Variants in CUBN observed in about 807,000 individuals in gnomAD.
CUBN encodes the protein 460 kDa receptor.
CUBN carries 282 observed loss-of-function variants against 405.3 expected under a neutral mutation model. The ratio of observed to expected loss-of-function variants is 0.70; its 90% confidence interval spans 0.63 to 0.77. The LOEUF is 0.77. Among genes scored for constraint, CUBN ranks in the 30% least tolerant of loss-of-function variants. The pLI is 0.00. For synonymous variants in CUBN, 1,684 were observed against 1,617.0 expected, an observed-to-expected ratio of 1.04 and a Z score of -0.99; for missense variants, 4,514 against 4,475.2, an observed-to-expected ratio of 1.01 and a Z score of -0.25.
At chr10:16,840,847 G>A (rs768998212) in intron 61 of CUBN, 38 bp downstream of exon 61, 25 of 1,536,052 alleles carry the variant, frequency 1.6e-5, no homozygotes, top group Non-Finnish European at 2.0e-5. Flanking sequence ...AAATACATGT[G>A]TATTTCATAA....
chr10:17,019,095 G>A lies in CUBN; in HGVS notation c.4168+738C>T, dbSNP rs1834423871. 2.0e-5 allele frequency among the ~76,000 whole-genome samples: 3 copies of A among 152,170 alleles called. No individual in the cohort carries two copies. In the South Asian group the frequency reaches 6.2e-4, roughly 32 times the overall value. Reference sequence around the variant, plus strand: ...GCCCAAGAATTTGAATTTCTAACAGGTTCCAGGTAATGCTGACGCTGCTCT... The same window carrying A: ...GCCCAAGAATTTGAATTTCTAACAGATTCCAGGTAATGCTGACGCTGCTCT... On this transcript the variant is annotated intron_variant, in intron 28 of 66. Coordinates refer to ENST00000377833, the MANE Select transcript of CUBN (RefSeq NM_001081.4).
intron 65 of CUBN, among the ~76,000 whole-genome samples, chr10:16,830,024 C>T (rs1838934367): frequency 1.3e-5 from 2 of 151,866 alleles, no homozygotes; most frequent in South Asian, 2.1e-4. Flanking sequence ...CAGCCTCCAT[C>T]TCCCAAGTTC....
At chr10:16,861,766 G>A (rs1840019352) in intron 59 of CUBN, among the ~76,000 whole-genome samples, 1 of 152,070 alleles carries the variant, frequency 6.6e-6, no homozygotes, top group Admixed American at 6.6e-5. Flanking sequence ...TCCTCTAACA[G>A]TCCTGTGTCC....
chr10:17,105,876 T>C (rs561850291), intron 10 of CUBN, among the ~76,000 whole-genome samples: 1 of 152,344 alleles, frequency 6.6e-6, no homozygotes, highest in East Asian at 1.9e-4. Context: ...GAGCTGCACC[T>C]GGGGAAGACA....
intron 29 of CUBN, among the ~76,000 whole-genome samples, chr10:16,984,971 C>G (rs1246119822): frequency 6.8e-6 from 1 of 146,776 alleles, no homozygotes; most frequent in Non-Finnish European, 1.5e-5. Context: ...AGGAACCTGA[C>G]TAAGTGCATC....
chr10:16,890,704 A>G lies in CUBN; in HGVS notation c.8599-177T>C, dbSNP rs534636495. 2.6e-5 allele frequency among the ~76,000 whole-genome samples: 4 copies of G among 152,348 alleles called. No homozygotes were observed. In the South Asian group the frequency reaches 8.3e-4, roughly 32 times the overall value. On this transcript the variant is annotated intron_variant, in intron 54 of 66. Coordinates refer to ENST00000377833, the MANE Select transcript of CUBN (RefSeq NM_001081.4). ...GAATAATTTTTTTAAAGCTGTTTTT[A>G]AAATAGCATGTCCCATTCTTGACTT... is the stretch of plus-strand genomic sequence containing the variant.
intron 13 of CUBN, among the ~76,000 whole-genome samples, chr10:17,101,582 T>C (rs1316576982): frequency 6.6e-6 from 1 of 152,176 alleles, no homozygotes; most frequent in Non-Finnish European, 1.5e-5. Context: ...CAAGGGAAAA[T>C]TTTATCTATT....
chr10:16,864,657 CTTTTTTTTTT>C (rs58100254), intron 59 of CUBN, among the ~76,000 whole-genome samples: 1 of 121,452 alleles, frequency 8.2e-6, no homozygotes, highest in African/African-American at 3.0e-5. Flanking sequence ...TTTTTTCTTT[CTTTTTTTTTT>C]TTTTTTTTAG....
intron 62 of CUBN, among the ~76,000 whole-genome samples, chr10:16,838,054 T>A (rs1387748491): frequency 6.6e-6 from 1 of 152,112 alleles, no homozygotes; most frequent in Non-Finnish European, 1.5e-5. Flanking sequence ...TACCAATGGG[T>A]AATAGAGATT....
intron 48 of CUBN, among the ~76,000 whole-genome samples, chr10:16,910,904 G>A (rs1841712027): frequency 6.6e-6 from 1 of 152,106 alleles, no homozygotes; most frequent in African/African-American, 2.4e-5. Flanking sequence ...AGCCGCAAGA[G>A]GGTATGCCTC....
intron 66 of CUBN, among the ~76,000 whole-genome samples, chr10:16,827,478 TAAA>T (rs942868064): frequency 2.0e-5 from 3 of 152,242 alleles, no homozygotes; most frequent in Admixed American, 6.5e-5. Flanking sequence ...AGTTATATTT[TAAA>T]AACCATCTAG....
chr10:16,838,389 C>T (rs149816271), intron 62 of CUBN, among the ~76,000 whole-genome samples: 63 of 152,298 alleles, frequency 4.1e-4, no homozygotes, highest in African/African-American at 1.3e-3. Flanking sequence ...GTTAGTTGCT[C>T]CCCAAACTGC....
intron 21 of CUBN, 132 bp from the exon 22 acceptor site, chr10:17,065,770 A>C: frequency 9.3e-7 from 1 of 1,077,788 alleles, no homozygotes; most frequent in Non-Finnish European, 1.4e-6. Flanking sequence ...TAAAACACAA[A>C]TATATTTCAG....
At chr10:17,051,891 A>G (rs1441448069) in intron 22 of CUBN, among the ~76,000 whole-genome samples, 1 of 152,048 alleles carries the variant, frequency 6.6e-6, no homozygotes, top group African/African-American at 2.4e-5. Context: ...AGAAGGAAAT[A>G]GCGGCTAAAA....
At position 17,108,646 on chromosome 10, in the gene CUBN, T is replaced by C. The variant is rs559396527; in HGVS notation, c.1111+994A>G. Among the ~76,000 whole-genome samples the C allele has an allele frequency of 1.0e-3, 158 of 152,154 alleles. 4 individuals carry two copies. The South Asian group carries it at 0.033, about 31-fold the overall frequency. On this transcript the variant is annotated intron_variant, in intron 10 of 66. Transcript: ENST00000377833. ...GAAACCATAGAAGTATAAAAGAACATGTACTTGACAATTTTTAAAGAGTTC... is the reference window on the plus strand; with the variant it reads ...GAAACCATAGAAGTATAAAAGAACACGTACTTGACAATTTTTAAAGAGTTC...
At chr10:17,071,737 C>T in intron 18 of CUBN, 90 bp downstream of exon 18, 2 of 1,511,020 alleles carry the variant, frequency 1.3e-6, no homozygotes, top group East Asian at 4.5e-5. Context: ...CCACTTAACA[C>T]TTGAGGACAT....
At chr10:17,000,677 G>T (rs1264061859) in intron 28 of CUBN, among the ~76,000 whole-genome samples, 2 of 152,102 alleles carry the variant, frequency 1.3e-5, no homozygotes, top group Admixed American at 1.3e-4. Flanking sequence ...TTGCTTTCAG[G>T]CACCATCGTG....
intron 64 of CUBN, among the ~76,000 whole-genome samples, chr10:16,834,649 T>A (rs1008515833): frequency 2.0e-5 from 3 of 152,228 alleles, no homozygotes; most frequent in African/African-American, 7.2e-5. Context: ...GTCCTTAGAC[T>A]TCCCTCTGAT....
intron 60 of CUBN, among the ~76,000 whole-genome samples, chr10:16,845,263 A>T (rs1839479281): frequency 6.6e-6 from 1 of 152,216 alleles, no homozygotes; most frequent in Non-Finnish European, 1.5e-5. Context: ...TTCAAAGGTA[A>T]TAATTTCATA....
Sources: allele counts gnomAD v4.1 joint callset (sites outside exome capture counted in the v4.1 genomes callset), GRCh38; gene constraint gnomAD v4.1.1; transcripts MANE v1.5; gene names NCBI Gene and HGNC (gene_info 2026-07-23, HGNC 2026-07-21).